The following CCDC93 variants were observed in gnomAD, a reference collection of about 807,000 sequenced individuals.
CCDC93 encodes the protein CCC complex scaffolding subunit CCDC93.
Under a neutral mutation model 108.2 loss-of-function variants are expected in CCDC93, and 61 were observed. The observed-to-expected ratio is 0.56, with a 90% CI of 0.46 to 0.70. CCDC93 has a LOEUF of 0.70. Among genes scored for constraint, CCDC93 ranks in the 30% least tolerant of loss-of-function variants. CCDC93 has a pLI of 0.00. For synonymous variants in CCDC93, 276 were observed against 260.4 expected (o/e 1.06, Z -0.58); for missense variants, 685 against 764.2 (o/e 0.90, Z 1.22).
chr2:117,921,344 C>T (rs890013972), intron 23 of CCDC93, among the ~76,000 whole-genome samples: 4 of 152,144 alleles, frequency 2.6e-5, no homozygotes, highest in Non-Finnish European at 5.9e-5. Flanking sequence ...CATGTTCCCT[C>T]TGGGATCATC....
At chr2:117,946,587 T>C (rs1186500913) in intron 16 of CCDC93, among the ~76,000 whole-genome samples, 2 of 152,196 alleles carry the variant, frequency 1.3e-5, no homozygotes, top group African/African-American at 4.8e-5. Context: ...AATCTGGTAA[T>C]TCGTGTCTGG....
At chr2:117,986,306 C>T (rs1420622030) in intron 6 of CCDC93, among the ~76,000 whole-genome samples, 1 of 151,904 alleles carries the variant, frequency 6.6e-6, no homozygotes, top group Admixed American at 6.6e-5. Flanking sequence ...CATATATATC[C>T]TAAACGAAAT....
chr2:117,945,471 G>A, intron 17 of CCDC93, 58 bp downstream of exon 17: 1 of 1,438,216 alleles, frequency 7.0e-7, no homozygotes, highest in Non-Finnish European at 9.8e-7. Flanking sequence ...CAGGAGAGTG[G>A]AAAGCTGGCC....
chr2:117,954,968 CCT>C (rs1321612322), intron 12 of CCDC93, among the ~76,000 whole-genome samples: 2 of 152,128 alleles, frequency 1.3e-5, no homozygotes, highest in African/African-American at 2.4e-5. Context: ...CTAAATTTAC[CCT>C]GAGGCCTCCC....
intron 15 of CCDC93, among the ~76,000 whole-genome samples, chr2:117,947,328 G>C (rs1678904319): frequency 6.6e-6 from 1 of 152,086 alleles, no homozygotes; most frequent in Non-Finnish European, 1.5e-5. Flanking sequence ...CTGTGCTGAA[G>C]TGCCTTTTCC....
chr2:118,007,033 C>T (rs1439399300), intron 2 of CCDC93, among the ~76,000 whole-genome samples: 2 of 140,514 alleles, frequency 1.4e-5, no homozygotes, highest in African/African-American at 5.0e-5. Context: ...CAGAAATATT[C>T]CGTTATCTGC....
chr2:117,937,569 A>C (rs1470950600), intron 20 of CCDC93, among the ~76,000 whole-genome samples: 1 of 152,222 alleles, frequency 6.6e-6, no homozygotes, highest in African/African-American at 2.4e-5. Flanking sequence ...TGGAATTAGA[A>C]AGCCCAGCTC....
At chr2:117,979,886 G>A (rs752540097) in intron 7 of CCDC93, among the ~76,000 whole-genome samples, 7 of 152,170 alleles carry the variant, frequency 4.6e-5, no homozygotes, top group Admixed American at 2.0e-4. Context: ...TACTGTTAAC[G>A]TTCCACCAAT....
Position 117,944,144 on chromosome 2 carries a change from G to A in CCDC93, c.1351-58C>T. On this transcript the variant is annotated intron_variant, in intron 17 of 23. Transcript: ENST00000376300. ...AATAGAAAACTTTCACTCTTTAATG[G>A]AGTCTTTGAAAGTTGAATATGTTTT... 5 of 1,255,220 alleles carry A rather than the reference G, an allele frequency of 4.0e-6. No individual in the cohort carries two copies. In the South Asian group the frequency reaches 6.9e-5, roughly 17 times the overall value. 77.8% of individuals were successfully genotyped at this position (1,255,220 alleles called of 1,614,324 possible). A position where few individuals can be genotyped will look rare whatever the true frequency, so the allele number is the denominator to read the frequency against.
chr2:118,011,255 T>G (rs776826707), intron 1 of CCDC93, among the ~76,000 whole-genome samples: 12 of 152,198 alleles, frequency 7.9e-5, no homozygotes, highest in Non-Finnish European at 1.2e-4. Flanking sequence ...GTATACATAT[T>G]AAAATATAGT....
chr2:117,966,123 T>C (rs865779503), intron 11 of CCDC93, among the ~76,000 whole-genome samples: 6 of 152,224 alleles, frequency 3.9e-5, no homozygotes, highest in South Asian at 4.1e-4. Flanking sequence ...GAAGGCCTTA[T>C]GGGGGTGCTA....
At chr2:118,002,258 T>G (rs1009238695) in intron 3 of CCDC93, among the ~76,000 whole-genome samples, 4 of 152,202 alleles carry the variant, frequency 2.6e-5, no homozygotes, top group African/African-American at 9.7e-5. Context: ...TTTATCTTTC[T>G]GCAGTTCAAT....
At chr2:118,009,638 C>T (rs1490681249) in intron 1 of CCDC93, among the ~76,000 whole-genome samples, 2 of 152,330 alleles carry the variant, frequency 1.3e-5, no homozygotes, top group African/African-American at 4.8e-5. Context: ...TGCCATTGCA[C>T]TCCAGCCTTG....
chr2:117,951,489 G>GT, intron 13 of CCDC93: 2 of 989,090 alleles, frequency 2.0e-6, no homozygotes, highest in Non-Finnish European at 2.4e-6. Flanking sequence ...TCGCTACAGA[G>GT]TAAGAATTTT....
rs1450844390 is a variant in CCDC93 at position 118,006,759 on chromosome 2, A to C, written c.214T>G (p.Leu72Val). The change falls in exon 3 of 24, where the codon TTG becomes GTG. Residue 72 changes from leucine (L) to valine (V), a missense_variant. Leu to Val is a conservative substitution (Grantham distance 32). Transcript: ENST00000376300. ...TTCNFDVDVD[L>V]LFQENSTIGQ... The stretch of plus-strand genomic sequence containing the variant: ...ATCGTAGAGTTTTCTTGAAAGAGCA[A>C]ATCAACATCTACATCAAAGTTGCAA... 1 of 1,612,774 alleles carries C rather than the reference A, an allele frequency of 6.2e-7. No homozygotes were observed. The highest frequency in any genetic ancestry group is 2.2e-5 in the East Asian group (1 of 44,872).
At chr2:117,993,326 G>A (rs1038339967) in intron 6 of CCDC93, among the ~76,000 whole-genome samples, 25 of 151,384 alleles carry the variant, frequency 1.7e-4, no homozygotes, top group Non-Finnish European at 3.1e-4. Context: ...AACCCGGGAG[G>A]CAGAGGTTGC....
rs1439384124 is a variant in CCDC93, at chr2:117,985,488, T to A, written c.620+481A>T. 5.5e-6 allele frequency: 5 copies of A among 902,598 alleles called. No homozygotes were observed. The African/African-American group carries it at 7.2e-5, about 13-fold the overall frequency. The allele number at this position is 902,598 out of a possible 1,614,324, so 55.9% of individuals were successfully genotyped here. ...AATGGGGAGAAGCATGTCCTTGCAC[T>A]TTTTTTTAAAGTAAAAACTAAGGAT... On this transcript the variant is annotated intron_variant, in intron 7 of 23. Transcript: ENST00000376300.
chr2:117,979,615 T>C (rs1680051141), intron 7 of CCDC93, among the ~76,000 whole-genome samples: 2 of 152,208 alleles, frequency 1.3e-5, no homozygotes, highest in African/African-American at 4.8e-5. Flanking sequence ...AAGCCAAAAG[T>C]ATCATCTGAC....
At position 117,970,136 on chromosome 2, in the gene CCDC93, T is replaced by C. The variant is rs535477203; in HGVS notation, c.888+3772A>G. Among the ~76,000 whole-genome samples, 84 of 152,204 alleles carry C rather than the reference T, an allele frequency of 5.5e-4. 1 individual carries two copies. In the East Asian group the frequency reaches 6.2e-3, roughly 11 times the overall value. On this transcript the variant is annotated intron_variant, in intron 11 of 23. Transcript: ENST00000376300. ...AATCAAGCAAATAACAAAAACACCA[T>C]GCATGACTTTACCACAGAACTGCAT...
Sources: allele counts gnomAD v4.1 joint callset (sites outside exome capture counted in the v4.1 genomes callset), GRCh38; gene constraint gnomAD v4.1.1; transcripts MANE v1.5; gene names NCBI Gene and HGNC (gene_info 2026-07-23, HGNC 2026-07-21).